The following ADAMTS12 variants were observed in gnomAD, a reference collection of about 807,000 sequenced individuals.
The protein encoded by ADAMTS12 is ADAM metallopeptidase with thrombospondin type 1 motif 12, also known as A disintegrin and metalloproteinase with thrombospondin motifs 12.
In ADAMTS12, 118 loss-of-function variants were observed where a neutral mutation model predicts 167.8. That is an observed-to-expected ratio of 0.70 (90% CI 0.61 to 0.82). The LOEUF is 0.82. Ranked by LOEUF, ADAMTS12 falls within the 40% of genes least tolerant of loss-of-function variation. The pLI is 0.00. For synonymous variants in ADAMTS12, 704 were observed against 716.9 expected, an observed-to-expected ratio of 0.98 and a Z score of 0.29; for missense variants, 1,916 against 1,998.8, an observed-to-expected ratio of 0.96 and a Z score of 0.79.
chr5:33,759,999 A>T (rs1745290836), intron 2 of ADAMTS12, among the ~76,000 whole-genome samples: 1 of 152,200 alleles, frequency 6.6e-6, no homozygotes, highest in Non-Finnish European at 1.5e-5. Context: ...AGAGCTTGTT[A>T]AAAATGCGTA....
chr5:33,742,529 C>T (rs1744628937), intron 3 of ADAMTS12, among the ~76,000 whole-genome samples: 1 of 152,148 alleles, frequency 6.6e-6, no homozygotes, highest in East Asian at 1.9e-4. Flanking sequence ...TCTTGGAATG[C>T]TGAGACCCTT....
At chr5:33,539,100 CCTGA>C (rs936070304) in intron 22 of ADAMTS12, among the ~76,000 whole-genome samples, 3 of 152,100 alleles carry the variant, frequency 2.0e-5, no homozygotes, top group Non-Finnish European at 2.9e-5. Flanking sequence ...TACCACCATG[CCTGA>C]CTAATTTTTT....
At chr5:33,807,663 A>G (rs888020318) in intron 2 of ADAMTS12, among the ~76,000 whole-genome samples, 3 of 152,222 alleles carry the variant, frequency 2.0e-5, no homozygotes, top group Non-Finnish European at 1.5e-5. Flanking sequence ...CATAAAAATG[A>G]AGGCATAATT....
chr5:33,891,775 T>TC lies in ADAMTS12; in HGVS notation c.81dup (p.Arg28GlufsTer78). On this transcript the variant is annotated frameshift_variant, in exon 1 of 24. Coordinates refer to ENST00000504830, the MANE Select transcript of ADAMTS12 (RefSeq NM_030955.4). LOFTEE classifies it high-confidence loss of function. The stretch of plus-strand genomic sequence containing the variant: ...CGAACCGGGCCTGGCTGAGGCTGTC[T>TC]CCCATAGCAAAGCGCCCCAAAGTTA... 6.2e-7 allele frequency: 1 copy of TC among 1,614,194 alleles called. No individual in the cohort carries two copies. The highest frequency in any genetic ancestry group is 8.5e-7 in the Non-Finnish European group (1 of 1,180,032).
chr5:33,541,674 C>T (rs1167874652), intron 22 of ADAMTS12, among the ~76,000 whole-genome samples: 2 of 152,110 alleles, frequency 1.3e-5, no homozygotes, highest in East Asian at 1.9e-4. Context: ...AGAGTGGGGG[C>T]CAATATTCAA....
At chr5:33,538,362 C>T (rs1744515529) in intron 22 of ADAMTS12, among the ~76,000 whole-genome samples, 1 of 152,146 alleles carries the variant, frequency 6.6e-6, no homozygotes, top group Admixed American at 6.5e-5. Flanking sequence ...CGCTCACCTG[C>T]CACTGGGTCT....
intron 18 of ADAMTS12, among the ~76,000 whole-genome samples, chr5:33,578,564 C>T (rs2111972875): frequency 6.6e-6 from 1 of 152,160 alleles, no homozygotes; most frequent in Middle Eastern, 3.4e-3. Context: ...TCACCTTATA[C>T]ATATTAATTA....
At chr5:33,885,139 T>C (rs1001882329) in intron 1 of ADAMTS12, among the ~76,000 whole-genome samples, 1 of 152,206 alleles carries the variant, frequency 6.6e-6, no homozygotes, top group Non-Finnish European at 1.5e-5. Context: ...CTTACATTAT[T>C]AAAAAGTTAC....
chr5:33,639,234 AATC>A (rs1354368613), intron 11 of ADAMTS12, among the ~76,000 whole-genome samples: 2 of 152,248 alleles, frequency 1.3e-5, no homozygotes, highest in African/African-American at 4.8e-5. Context: ...CGTGAATAAT[AATC>A]AACCAGCATT....
chr5:33,685,160 A>G (rs1742278248), intron 3 of ADAMTS12, among the ~76,000 whole-genome samples: 1 of 152,248 alleles, frequency 6.6e-6, no homozygotes, highest in Admixed American at 6.5e-5. Flanking sequence ...GGCCCCTGGC[A>G]GGGGCAGAAC....
At position 33,576,846 on chromosome 5, in the gene ADAMTS12, T is replaced by C. The variant is rs200639245; in HGVS notation, c.3180A>G (p.Gly1060=). 2.4e-5 allele frequency: 38 copies of C among 1,614,220 alleles called. No homozygotes were observed. In the Admixed American group the frequency reaches 4.8e-4, roughly 21 times the overall value. The change falls in exon 19 of 24, where the codon GGA becomes GGG. Residue 1060 remains glycine, a synonymous_variant. Coordinates refer to ENST00000504830, the MANE Select transcript of ADAMTS12 (RefSeq NM_030955.4). ...SPSPTTASKE[G]DLGGKQWQDS... ...CTTGCCACTGTTTCCCACCCAGGTC[T>C]CCTTCTTTGGAGGCTGTGGTAGGAC...
At chr5:33,586,039 T>C (rs1335798956) in intron 18 of ADAMTS12, among the ~76,000 whole-genome samples, 2 of 152,204 alleles carry the variant, frequency 1.3e-5, no homozygotes, top group African/African-American at 2.4e-5. Flanking sequence ...GCCTTTTGGA[T>C]AAGTAACTTT....
At chr5:33,594,862 T>C (rs933303437) in intron 17 of ADAMTS12, among the ~76,000 whole-genome samples, 1 of 152,186 alleles carries the variant, frequency 6.6e-6, no homozygotes, top group Non-Finnish European at 1.5e-5. Flanking sequence ...TTGTCCTGAC[T>C]CTTCTTTCTA....
At position 33,557,344 on chromosome 5, in the gene ADAMTS12, T is replaced by C. The variant is rs79781131; in HGVS notation, c.4125+3683A>G. Among the ~76,000 whole-genome samples, 905 of 152,360 alleles carry C rather than the reference T, an allele frequency of 5.9e-3. 13 individuals are homozygous for C. The highest frequency in any genetic ancestry group is 0.021 in the African/African-American group (869 of 41,586). ...TCAGTTCGGCAGAATCTAAACTCTC[T>C]GGATATTTAAAGGCAAAACCAGGGA... On this transcript the variant is annotated intron_variant, in intron 20 of 23. Transcript: ENST00000504830.
intron 5 of ADAMTS12, among the ~76,000 whole-genome samples, chr5:33,681,238 G>T (rs952844508): frequency 6.6e-6 from 1 of 152,110 alleles, no homozygotes; most frequent in Admixed American, 6.6e-5. Context: ...AGAAAAAATG[G>T]ATCCCCACTC....
rs532871079 is a variant in ADAMTS12, at chr5:33,849,740, C to T, written c.489+31379G>A. Among the ~76,000 whole-genome samples, 1,320 of 146,682 alleles carry T rather than the reference C, an allele frequency of 9.0e-3. 33 individuals carry two copies. The highest frequency in any genetic ancestry group is 0.032 in the African/African-American group (1,252 of 39,478). ...ATATATAGTATCTATATATGTATTG[C>T]ATAGCAATATATAGTATCTATATAT... On this transcript the variant is annotated intron_variant, in intron 2 of 23. Transcript: ENST00000504830.
intron 22 of ADAMTS12, among the ~76,000 whole-genome samples, chr5:33,540,881 C>A (rs554355451): frequency 1.0e-3 from 153 of 152,194 alleles, no homozygotes; most frequent in Non-Finnish European, 2.0e-3. Context: ...TGGGGAGAAA[C>A]CAGAGCAGAA....
intron 5 of ADAMTS12, among the ~76,000 whole-genome samples, chr5:33,675,006 C>A (rs888955988): frequency 4.6e-5 from 7 of 152,196 alleles, no homozygotes; most frequent in African/African-American, 1.4e-4. Context: ...ATGAGTTCAG[C>A]CCTATTTTCT....
At chr5:33,800,549 G>A (rs141097688) in intron 2 of ADAMTS12, among the ~76,000 whole-genome samples, 25 of 152,230 alleles carry the variant, frequency 1.6e-4, no homozygotes, top group African/African-American at 6.0e-4. Flanking sequence ...ACAATTTGAA[G>A]GTTTTTCCTA....
Sources: gnomAD v4.1 joint callset for allele counts (sites outside exome capture counted in the v4.1 genomes callset) on GRCh38, gnomAD v4.1.1 for gene constraint, MANE v1.5 for transcripts, NCBI Gene and HGNC (gene_info 2026-07-23, HGNC 2026-07-21) for gene names.